Variants in KIAA1614 observed in about 807,000 individuals in gnomAD.
KIAA1614 encodes uncharacterized protein KIAA1614.
KIAA1614 carries 76 observed loss-of-function variants against 88.7 expected under a neutral mutation model. The ratio of observed to expected loss-of-function variants is 0.86; its 90% confidence interval spans 0.71 to 1.04. The LOEUF is 1.04. KIAA1614 is among the 50% of genes least tolerant of loss of function. The pLI is 0.00. For synonymous variants in KIAA1614, 714 were observed against 675.5 expected, an observed-to-expected ratio of 1.06 and a Z score of -0.88; for missense variants, 1,553 against 1,582.5, an observed-to-expected ratio of 0.98 and a Z score of 0.32.
chr1:180,936,210 A>C lies in KIAA1614; in HGVS notation c.2301A>C (p.Thr767=). The C allele has an allele frequency of 6.2e-7, 1 of 1,614,188 alleles. No individual in the cohort carries two copies. Among genetic ancestry groups the C allele is most frequent in the East Asian group, 2.2e-5 (1 of 44,884 alleles). ...SSGPGGQAQV[T]ESHESLEIVS... is the part of the protein sequence containing the mutation. ...GGCCAGGAGGCCAGGCCCAGGTTAC[A>C]GAAAGCCACGAGTCCCTGGAAATTG... The change falls in exon 5 of 9, where the codon ACA becomes ACC. Residue 767 remains threonine, a synonymous_variant. Coordinates refer to ENST00000367588, the MANE Select transcript of KIAA1614 (RefSeq NM_020950.2).
Position 180,941,089 on chromosome 1 carries a change from C to A in KIAA1614, c.2963C>A (p.Ala988Asp). 6.3e-7 allele frequency: 1 copy of A among 1,593,250 alleles called. No individual in the cohort carries two copies. The highest frequency in any genetic ancestry group is 8.6e-7 in the Non-Finnish European group (1 of 1,168,074). Reference sequence around the variant, plus strand: ...ACAGGACCCGGCTCCCCCTCGGCTGCCCCTTTGGACCAGAACAAGAAAAGG... The same window carrying A: ...ACAGGACCCGGCTCCCCCTCGGCTGACCCTTTGGACCAGAACAAGAAAAGG... ...AGTGPGSPSA[A>D]PLDQNKKRSS... Residue 988 changes from alanine to aspartate, a missense_variant, in exon 7 of 9, where the codon GCC becomes GAC. Transcript: ENST00000367588.
At chr1:180,919,156 T>C (rs888100081) in intron 3 of KIAA1614, among the ~76,000 whole-genome samples, 1 of 152,004 alleles carries the variant, frequency 6.6e-6, no homozygotes. Context: ...AAACACTGAG[T>C]CCACCGTAGT....
intron 8 of KIAA1614, chr1:180,945,049 C>A (rs1219543676): frequency 6.0e-6 from 3 of 503,212 alleles, no homozygotes; most frequent in Non-Finnish European, 1.0e-5. Flanking sequence ...CTGTACCCCC[C>A]AAAATTTGAA....
chr1:180,916,218 G>A lies in KIAA1614; in HGVS notation c.115G>A (p.Gly39Ser). The change falls in exon 2 of 9, where the codon GGT (glycine) becomes AGT (serine). Residue 39 changes from glycine (G) to serine (S), a missense_variant. Transcript: ENST00000367588. ...GGGGACCTCAGCTGTGGAGTGGAGT[G>A]GTCCTGAGCCACAGCTGGATAACGG... ...VEGTSAVEWS[G>S]PEPQLDNGHP... 3 of 1,612,492 alleles carry A rather than the reference G, an allele frequency of 1.9e-6. No homozygotes were observed. Among genetic ancestry groups the A allele is most frequent in the East Asian group, 2.2e-5 (1 of 44,884 alleles).
In KIAA1614 at chr1:180,941,236, C is replaced by G. The variant is rs867519684; in HGVS notation, c.3110C>G (p.Pro1037Arg). 5 of 1,613,806 alleles carry G rather than the reference C, an allele frequency of 3.1e-6. 1 individual carries two copies. The Middle Eastern group carries it at 6.6e-4, about 213-fold the overall frequency. Residue 1037 changes from proline (P) to arginine (R), a missense_variant, in exon 7 of 9, where the codon CCT becomes CGT. Coordinates refer to ENST00000367588, the MANE Select transcript of KIAA1614 (RefSeq NM_020950.2). ...GTGGAGCAGTTGCAGCCCGCCCCGC[C>G]TGGCCTGACGTCACAGTCCAGGGCC... ...YSVEQLQPAP[P>R]GLTSQSRAPS...
chr1:180,913,220 G>A lies in KIAA1614; in HGVS notation c.-24G>A. 1 of 1,259,762 alleles carries A rather than the reference G, an allele frequency of 7.9e-7. No individual in the cohort carries two copies. Among genetic ancestry groups the A allele is most frequent in the Non-Finnish European group, 1.0e-6 (1 of 996,144 alleles). 78.0% of individuals were successfully genotyped at this position (1,259,762 alleles called of 1,614,324 possible). A position where few individuals can be genotyped will look rare whatever the true frequency, so the allele number is the denominator to read the frequency against. On this transcript the variant is annotated 5_prime_UTR_variant, in exon 1 of 9. The change creates a premature stop within an existing upstream ORF in the 5' untranslated region. Transcript: ENST00000367588. The stretch of plus-strand genomic sequence containing the variant: ...CTGGCCTGGGAGGGAGAAGGGGCTG[G>A]AGAGGGCCTGGCCTCTCCGAGGGAT...
chr1:180,935,463 C>T lies in KIAA1614; in HGVS notation c.1554C>T (p.Ser518=), dbSNP rs1466803102. Reference sequence around the variant, plus strand: ...GGACATTCCACAGGCTTGTGGGCAGCCTGGACCGCAGGGGACACCCGGCAC... The same window carrying T: ...GGACATTCCACAGGCTTGTGGGCAGTCTGGACCGCAGGGGACACCCGGCAC... ...GQGTFHRLVG[S]LDRRGHPAPP... Residue 518 remains serine (S), a synonymous_variant, in exon 5 of 9, where the codon AGC becomes AGT. Transcript: ENST00000367588. This position sits in a 1 kb window ranked among gnomAD's most constrained non-coding sequence, Gnocchi z 6.1. 9 of 1,471,438 alleles carry T rather than the reference C, an allele frequency of 6.1e-6. No homozygotes were observed. The highest frequency in any genetic ancestry group is 8.1e-6 in the Non-Finnish European group (9 of 1,117,550). The allele number at this position is 1,471,438 out of a possible 1,614,324, so 91.1% of individuals were successfully genotyped here. A position where few individuals can be genotyped will look rare whatever the true frequency, so the allele number is the denominator to read the frequency against.
rs1653814374 is a variant in KIAA1614, at chr1:180,916,694, TGACA to T, written c.594_597del (p.Asp198GlufsTer51). ...AAGCCGAATGGACACTTCCTGACCA[TGACA>T]GAGGTCCGCTGCTGGGGCCCAGCTC... On this transcript the variant is annotated frameshift_variant, in exon 2 of 9. Coordinates refer to ENST00000367588, the MANE Select transcript of KIAA1614 (RefSeq NM_020950.2). LOFTEE classifies it high-confidence loss of function. The T allele has an allele frequency of 6.2e-7, 1 of 1,611,290 alleles. No individual in the cohort carries two copies. The highest frequency in any genetic ancestry group is 1.7e-4 in the Middle Eastern group (1 of 6,048).
chr1:180,915,275 G>T (rs1421991392), intron 1 of KIAA1614, among the ~76,000 whole-genome samples: 1 of 152,246 alleles, frequency 6.6e-6, no homozygotes, highest in Non-Finnish European at 1.5e-5. Context: ...GGGGTCAGGG[G>T]TGAGGTTGGA....
intron 3 of KIAA1614, among the ~76,000 whole-genome samples, chr1:180,920,589 A>C (rs1653931747): frequency 6.6e-6 from 1 of 152,240 alleles, no homozygotes; most frequent in Non-Finnish European, 1.5e-5. Flanking sequence ...TAACCATTAC[A>C]ACCAAGTTAA....
At chr1:180,929,560 C>T (rs1011967373) in intron 4 of KIAA1614, among the ~76,000 whole-genome samples, 3 of 152,210 alleles carry the variant, frequency 2.0e-5, no homozygotes, top group Admixed American at 6.5e-5. Flanking sequence ...AGGAAAACAA[C>T]AAGGTCAAGG....
intron 6 of KIAA1614, among the ~76,000 whole-genome samples, chr1:180,938,929 A>C (rs200318917): frequency 1.3e-5 from 2 of 152,324 alleles, no homozygotes; most frequent in East Asian, 3.9e-4. Flanking sequence ...CATCCATTGA[A>C]CGGCCTCTAG....
intron 3 of KIAA1614, among the ~76,000 whole-genome samples, chr1:180,922,407 G>T (rs918764040): frequency 6.6e-6 from 1 of 152,082 alleles, no homozygotes; most frequent in African/African-American, 2.4e-5. Context: ...GAGTGATCGA[G>T]GACCAAAACA....
chr1:180,945,972 G>A lies in KIAA1614; in HGVS notation c.*384G>A, dbSNP rs1172306006. ...TACAAAATTAGCTGGGCGTGGTGGC[G>A]CATGCCTATAATCCCAGCTACTTGG... On this transcript the variant is annotated 3_prime_UTR_variant, in exon 9 of 9. Transcript: ENST00000367588. 9.4e-6 allele frequency: 2 copies of A among 212,132 alleles called. No homozygotes were observed. Among genetic ancestry groups the A allele is most frequent in the Non-Finnish European group, 8.3e-6 (1 of 120,384 alleles). The allele number at this position is 212,132 out of a possible 1,614,324, so 13.1% of individuals were successfully genotyped here.
rs1654281785 is a variant in KIAA1614 at position 180,935,005 on chromosome 1, A to G, written c.1206-110A>G. On this transcript the variant is annotated intron_variant, in intron 4 of 8. Transcript: ENST00000367588. The surrounding 1 kb of genome is among the most constrained non-coding windows in gnomAD (Gnocchi z 6.1). ...AGTAACCTTGTGGGTTGCGGTTGCCACAGAGCACGGTGGGAGACTGTAGCC... is the reference window on the plus strand; with the variant it reads ...AGTAACCTTGTGGGTTGCGGTTGCCGCAGAGCACGGTGGGAGACTGTAGCC... 5.0e-6 allele frequency: 4 copies of G among 806,612 alleles called. No homozygotes were observed. In the Admixed American group the frequency reaches 1.3e-4, roughly 26 times the overall value. 50.0% of individuals were successfully genotyped at this position (806,612 alleles called of 1,614,324 possible).
Position 180,914,275 on chromosome 1 carries a change from T to C in KIAA1614, c.50+982T>C, listed in dbSNP as rs139987003. Reference sequence around the variant, plus strand: ...GCAACACCCTGAGTCAAACCCCTGCTCACCTTCATTCCTTGTGAAGGGATA... The same window carrying C: ...GCAACACCCTGAGTCAAACCCCTGCCCACCTTCATTCCTTGTGAAGGGATA... On this transcript the variant is annotated intron_variant, in intron 1 of 8. Transcript: ENST00000367588. 9.2e-5 allele frequency among the ~76,000 whole-genome samples: 14 copies of C among 152,358 alleles called. No homozygotes were observed. In the East Asian group the frequency reaches 2.7e-3, roughly 29 times the overall value.
chr1:180,943,279 G>A (rs1282984127), intron 7 of KIAA1614, among the ~76,000 whole-genome samples: 1 of 151,940 alleles, frequency 6.6e-6, no homozygotes, highest in Non-Finnish European at 1.5e-5. Context: ...CACCTGCCTT[G>A]GCCTCCCAAA....
intron 8 of KIAA1614, chr1:180,944,909 C>G: frequency 3.8e-6 from 1 of 266,170 alleles, no homozygotes. Context: ...CTTGGAAAAT[C>G]CCACCCTGTC....
intron 7 of KIAA1614, among the ~76,000 whole-genome samples, chr1:180,942,615 G>A (rs1654494574): frequency 6.6e-6 from 1 of 152,218 alleles, no homozygotes; most frequent in South Asian, 2.1e-4. Context: ...TGAAGCTGGG[G>A]GGAATCGGCA....
Sources: allele counts gnomAD v4.1 joint callset (sites outside exome capture counted in the v4.1 genomes callset), GRCh38; gene constraint gnomAD v4.1.1; non-coding constraint Gnocchi (gnomAD v3.1); transcripts MANE v1.5; gene names NCBI Gene and HGNC (gene_info 2026-07-23, HGNC 2026-07-21).